Variants in C7orf78 observed in about 807,000 individuals in gnomAD.
C7orf78 encodes the protein chromosome 7 open reading frame 78, also known as putative uncharacterized protein C7orf78.
chr7:12,514,789 G>T, the C7orf78 span, among the ~76,000 whole-genome samples: 10 of 151,174 alleles, frequency 6.6e-5, 1 homozygote, highest in African/African-American at 2.4e-4. Context: ...GGACTCCCTT[G>T]AGCATTTTTT....
At chr7:12,504,630 C>T in the C7orf78 span, 3 of 152,060 alleles carry the variant, frequency 2.0e-5, no homozygotes, top group Admixed American at 6.6e-5. Flanking sequence ...AACTGACTAG[C>T]TCTTTGGAGC....
the C7orf78 span, among the ~76,000 whole-genome samples, chr7:12,527,325 G>C: frequency 7.7e-6 from 1 of 130,392 alleles, no homozygotes; most frequent in African/African-American, 3.1e-5. Flanking sequence ...AATTGAAATG[G>C]AACATGTCAG....
chr7:12,508,516 C>A, the C7orf78 span, among the ~76,000 whole-genome samples: 1 of 152,140 alleles, frequency 6.6e-6, no homozygotes, highest in South Asian at 2.1e-4. Context: ...ATTTCTATAT[C>A]ATACACATGG....
chr7:12,512,017 C>T, the C7orf78 span, among the ~76,000 whole-genome samples: 7 of 149,446 alleles, frequency 4.7e-5, no homozygotes, highest in East Asian at 3.9e-4. Flanking sequence ...CTTCATGATC[C>T]ACCCTCCTTG....
the C7orf78 span, among the ~76,000 whole-genome samples, chr7:12,532,933 C>A: frequency 1.3e-5 from 2 of 152,068 alleles, no homozygotes; most frequent in African/African-American, 4.8e-5. Context: ...AAAGCTGTCT[C>A]CAGATGGGTA....
chr7:12,532,368 T>A, the C7orf78 span, among the ~76,000 whole-genome samples: 1 of 151,416 alleles, frequency 6.6e-6, no homozygotes, highest in South Asian at 2.1e-4. Flanking sequence ...ACCAACATGG[T>A]GAAACCCTGT....
At chr7:12,496,710 T>C in the C7orf78 span, 14,543 of 152,280 alleles carry the variant, frequency 0.096, 856 homozygotes, top group Non-Finnish European at 0.13. Flanking sequence ...TTTTGTACCC[T>C]AAACAACTAA....
chr7:12,495,112 C>T, the C7orf78 span, among the ~76,000 whole-genome samples: 1 of 152,136 alleles, frequency 6.6e-6, no homozygotes, highest in Admixed American at 6.5e-5. Context: ...AAATGTTCAC[C>T]CACCATGTGT....
At chr7:12,488,478 GA>G in the C7orf78 span, among the ~76,000 whole-genome samples, 1 of 152,004 alleles carries the variant, frequency 6.6e-6, no homozygotes, top group South Asian at 2.1e-4. Flanking sequence ...ATAGTTATTG[GA>G]AAAGTCAAGC....
chr7:12,529,561 C>T, the C7orf78 span, among the ~76,000 whole-genome samples: 1 of 152,150 alleles, frequency 6.6e-6, no homozygotes, highest in Non-Finnish European at 1.5e-5. Context: ...GAACATGTGG[C>T]CCAAGGTGGT....
At chr7:12,514,745 A>G in the C7orf78 span, among the ~76,000 whole-genome samples, 1 of 152,024 alleles carries the variant, frequency 6.6e-6, no homozygotes, top group Non-Finnish European at 1.5e-5. Flanking sequence ...TTATGTTTTC[A>G]TGATGATGAC....
the C7orf78 span, among the ~76,000 whole-genome samples, chr7:12,494,664 C>A: frequency 1.6e-4 from 24 of 152,252 alleles, no homozygotes; most frequent in African/African-American, 5.5e-4. Context: ...TTCCCTACAG[C>A]AATAACTGAT....
the C7orf78 span, chr7:12,496,758 T>C: frequency 2.6e-5 from 4 of 152,352 alleles, no homozygotes; most frequent in East Asian, 7.7e-4. Context: ...TTTGTATATA[T>C]GCTTTTGATA....
chr7:12,494,751 T>C, the C7orf78 span, among the ~76,000 whole-genome samples: 1 of 152,200 alleles, frequency 6.6e-6, no homozygotes, highest in Non-Finnish European at 1.5e-5. Flanking sequence ...TAAAATGACA[T>C]TGAGAGCTCA....
chr7:12,523,182 C>A, the C7orf78 span: 2 of 398,342 alleles, frequency 5.0e-6, no homozygotes, highest in Non-Finnish European at 8.9e-6. Context: ...CTGTATACAT[C>A]TTTGAGAATT....
At chr7:12,524,261 G>A in the C7orf78 span, among the ~76,000 whole-genome samples, 1 of 152,056 alleles carries the variant, frequency 6.6e-6, no homozygotes, top group African/African-American at 2.4e-5. Context: ...TTTAAGCAAC[G>A]AACGAAACAG....
chr7:12,488,227 T>C, the C7orf78 span, among the ~76,000 whole-genome samples: 4 of 152,068 alleles, frequency 2.6e-5, no homozygotes, highest in African/African-American at 9.7e-5. Context: ...TTGAAAACCA[T>C]CTATCTTCAT....
chr7:12,499,989 A>G, the C7orf78 span, among the ~76,000 whole-genome samples: 2 of 115,642 alleles, frequency 1.7e-5, no homozygotes, highest in East Asian at 2.6e-4. Context: ...TACTGGGTAC[A>G]TAACGAAATG....
chr7:12,523,908 T>G, the C7orf78 span, among the ~76,000 whole-genome samples: 107,904 of 151,772 alleles, frequency 0.71, 38,942 homozygotes, highest in African/African-American at 0.84. Flanking sequence ...AATTTAAAAG[T>G]GTGATGAAGT....
Sources: gnomAD v4.1 joint callset for allele counts (sites outside exome capture counted in the v4.1 genomes callset) on GRCh38, gnomAD v4.1.1 for gene constraint, MANE v1.5 for transcripts, NCBI Gene and HGNC (gene_info 2026-07-23, HGNC 2026-07-21) for gene names.